FRMD4B: variants seen among roughly 807,000 people sequenced by gnomAD.
FRMD4B encodes FERM domain-containing protein 4B.
Under a neutral mutation model 141.5 loss-of-function variants are expected in FRMD4B, and 74 were observed. The observed-to-expected ratio is 0.52, with a 90% CI of 0.43 to 0.63. FRMD4B has a LOEUF of 0.63. Among genes scored for constraint, FRMD4B ranks in the 30% least tolerant of loss-of-function variants. FRMD4B has a pLI of 0.00. For missense variants in FRMD4B, 1,366 were observed against 1,253.4 expected, an observed-to-expected ratio of 1.09 and a Z score of -1.36; for synonymous variants, 506 against 467.9, an observed-to-expected ratio of 1.08 and a Z score of -1.05.
At chr3:69,420,032 C>T (rs1028490912) in intron 2 of FRMD4B, among the ~76,000 whole-genome samples, 2 of 152,080 alleles carry the variant, frequency 1.3e-5, no homozygotes. Flanking sequence ...AATTTTTGTA[C>T]TTTCAGTGGA....
At position 69,313,451 on chromosome 3, in the gene FRMD4B, C is replaced by T. The variant is rs1445630063; in HGVS notation, c.228+1G>A. 3.2e-6 allele frequency: 5 copies of T among 1,566,514 alleles called. No homozygotes were observed. Among genetic ancestry groups the T allele is most frequent in the Non-Finnish European group, 4.3e-6 (5 of 1,154,276 alleles). On this transcript the variant is annotated splice_donor_variant, in intron 2 of 22. Transcript: ENST00000398540. LOFTEE classifies it high-confidence loss of function. ...GCAACACACATGTGGGCCACACCTA[C>T]CTGAACCAGCAGCTCCAGTCTCCTA...
chr3:69,200,359 A>G (rs1575603205), intron 11 of FRMD4B: 1 of 876,962 alleles, frequency 1.1e-6, no homozygotes, highest in Non-Finnish European at 1.4e-6. Flanking sequence ...ATAAAAGTAT[A>G]AAGTTACATA....
At chr3:69,255,152 G>T (rs962041220) in intron 5 of FRMD4B, among the ~76,000 whole-genome samples, 1 of 152,060 alleles carries the variant, frequency 6.6e-6, no homozygotes, top group Non-Finnish European at 1.5e-5. Context: ...TTATAATTAG[G>T]TCATATATGG....
chr3:69,275,439 TC>T (rs1559770800), intron 5 of FRMD4B, among the ~76,000 whole-genome samples: 1 of 32,968 alleles, frequency 3.0e-5, no homozygotes, highest in African/African-American at 6.2e-5. Context: ...TCTCTCTCTC[TC>T]TCTTTTTTTT....
chr3:69,379,615 C>T (rs886103633), intron 1 of FRMD4B, among the ~76,000 whole-genome samples: 8 of 152,194 alleles, frequency 5.3e-5, no homozygotes, highest in African/African-American at 1.4e-4. Context: ...TTCCATATTC[C>T]TTTAAGTTCT....
chr3:69,381,341 T>C (rs551161564), intron 1 of FRMD4B, among the ~76,000 whole-genome samples: 3 of 152,332 alleles, frequency 2.0e-5, no homozygotes, highest in South Asian at 2.1e-4. Context: ...ACCTTATGAA[T>C]AGGTGGGAGA....
intron 1 of FRMD4B, among the ~76,000 whole-genome samples, chr3:69,455,378 T>C (rs185541903): frequency 2.6e-5 from 4 of 152,290 alleles, no homozygotes; most frequent in Non-Finnish European, 4.4e-5. Flanking sequence ...TTATGAGCTG[T>C]AACACTCACG....
intron 1 of FRMD4B, among the ~76,000 whole-genome samples, chr3:69,345,210 G>A (rs1415997097): frequency 6.6e-6 from 1 of 152,242 alleles, no homozygotes; most frequent in African/African-American, 2.4e-5. Context: ...GACTCGGAGG[G>A]TCCCATGCCC....
chr3:69,344,393 T>C (rs1490969122), intron 1 of FRMD4B, among the ~76,000 whole-genome samples: 1 of 151,944 alleles, frequency 6.6e-6, no homozygotes, highest in Non-Finnish European at 1.5e-5. Context: ...GGGAGAGAGA[T>C]GGAGGTTAAA....
intron 5 of FRMD4B, among the ~76,000 whole-genome samples, chr3:69,253,860 G>C (rs561002433): frequency 6.6e-6 from 1 of 152,292 alleles, no homozygotes; most frequent in South Asian, 2.1e-4. Context: ...GGCTGAGGTG[G>C]GGGCACTGCT....
intron 1 of FRMD4B, among the ~76,000 whole-genome samples, chr3:69,508,565 A>G (rs1378763922): frequency 6.6e-6 from 1 of 152,208 alleles, no homozygotes; most frequent in African/African-American, 2.4e-5. Context: ...ACAGCTGACT[A>G]CAAAGTAGGC....
chr3:69,411,680 C>T (rs1382016758), intron 2 of FRMD4B, among the ~76,000 whole-genome samples: 3 of 152,144 alleles, frequency 2.0e-5, no homozygotes, highest in Non-Finnish European at 2.9e-5. Context: ...AGAAGTTCAT[C>T]GAATAAAGTA....
chr3:69,210,995 G>A (rs1355619533), intron 11 of FRMD4B, among the ~76,000 whole-genome samples: 3 of 113,276 alleles, frequency 2.6e-5, no homozygotes, highest in Admixed American at 1.4e-4. Context: ...TCCACCCGGG[G>A]CAACAAGAGT....
chr3:69,353,497 G>A (rs768222400), intron 1 of FRMD4B: 232 of 827,306 alleles, frequency 2.8e-4, no homozygotes, highest in East Asian at 3.8e-4. Flanking sequence ...AAGAAGCACC[G>A]TTACACAGTC....
At chr3:69,529,206 C>T (rs1291879038) in intron 1 of FRMD4B, among the ~76,000 whole-genome samples, 2 of 152,148 alleles carry the variant, frequency 1.3e-5, no homozygotes, top group African/African-American at 4.8e-5. Context: ...AGAATGCAGC[C>T]AGTGTTGCTA....
intron 1 of FRMD4B, among the ~76,000 whole-genome samples, chr3:69,484,266 G>T (rs189346814): frequency 1.3e-5 from 2 of 152,330 alleles, no homozygotes; most frequent in East Asian, 1.9e-4. Flanking sequence ...AAGATTGACT[G>T]CCCGGTCAGA....
chr3:69,172,079 T>TTAG (rs2092593614), intron 22 of FRMD4B, 98 bp from the exon 23 acceptor site: 2 of 1,149,474 alleles, frequency 1.7e-6, no homozygotes, highest in African/African-American at 3.1e-5. Flanking sequence ...GGAAGCACTG[T>TTAG]TAAGAAAAAT....
At chr3:69,263,127 G>C (rs541281295) in intron 5 of FRMD4B, among the ~76,000 whole-genome samples, 1 of 152,126 alleles carries the variant, frequency 6.6e-6, no homozygotes, top group Non-Finnish European at 1.5e-5. Flanking sequence ...CATGGTGGCA[G>C]GCAGCTGTAG....
upstream of FRMD4B, chr3:69,386,322 C>G (rs1245383251): frequency 4.4e-6 from 1 of 229,826 alleles, no homozygotes; most frequent in African/African-American, 2.3e-5. Context: ...GAGGACTCCC[C>G]CTGGCGCTTC....
Sources: gnomAD v4.1 joint callset for allele counts (sites outside exome capture counted in the v4.1 genomes callset) on GRCh38, gnomAD v4.1.1 for gene constraint, MANE v1.5 for transcripts, NCBI Gene and HGNC (gene_info 2026-07-23, HGNC 2026-07-21) for gene names.